RSF1: variants seen among roughly 807,000 people sequenced by gnomAD.
The protein encoded by RSF1 is HBV pX-associated protein 8.
A neutral mutation model predicts 145.2 loss-of-function variants in RSF1; 13 were observed. That is an observed-to-expected ratio of 0.09 (90% confidence interval 0.06 to 0.14). The LOEUF is 0.14. Among genes scored for constraint, RSF1 ranks in the 10% least tolerant of loss-of-function variants. The pLI is 1.00. For missense variants in RSF1, 1,517 were observed against 1,718.2 expected (o/e 0.88, Z 2.07); for synonymous variants, 577 against 592.6 (o/e 0.97, Z 0.38).
the RSF1 span, among the ~76,000 whole-genome samples, chr11:77,834,197 T>A: frequency 6.6e-6 from 1 of 152,260 alleles, no homozygotes; most frequent in Non-Finnish European, 1.5e-5. Flanking sequence ...GTAAATTACA[T>A]ATCAACAAAT....
At chr11:77,767,734 C>T (rs55881536) in intron 1 of RSF1, among the ~76,000 whole-genome samples, 26,916 of 152,130 alleles carry the variant, frequency 0.18, 2,971 homozygotes, top group African/African-American at 0.29. Flanking sequence ...GTCCCTGGAA[C>T]ACCCACTGTA....
At chr11:77,864,449 AAAAT>A in the RSF1 span, among the ~76,000 whole-genome samples, 1 of 152,074 alleles carries the variant, frequency 6.6e-6, no homozygotes, top group Non-Finnish European at 1.5e-5. Context: ...CAAAAAATAA[AAAAT>A]AAAAAAAAGA....
chr11:77,869,716 A>G, the RSF1 span: 5 of 1,613,414 alleles, frequency 3.1e-6, no homozygotes, highest in Non-Finnish European at 3.4e-6. Flanking sequence ...CTCTTTCCAC[A>G]TCCAGCATTC....
intron 1 of RSF1, among the ~76,000 whole-genome samples, chr11:77,771,258 T>G (rs1217126698): frequency 3.3e-5 from 5 of 152,218 alleles, no homozygotes; most frequent in African/African-American, 1.2e-4. Context: ...TTCACCTAGA[T>G]GCACCACTTG....
chr11:77,700,753 A>G lies in RSF1; in HGVS notation c.2476T>C (p.Ser826Pro). The part of the protein sequence containing the change: ...KTDKKEILKK[S>P]EKDTNSKVSK... The stretch of plus-strand genomic sequence containing the variant: ...ACTTTAGAATTTGTATCTTTCTCTG[A>G]TTTTTTCAAAATTTCCTTTTTGTCA... Residue 826 changes from serine to proline, a missense_variant, in exon 6 of 16, where the codon TCA (serine) becomes CCA (proline). This residue lies in a region of RSF1 where 579 missense variants were observed against 553.5 expected (regional missense o/e 1.05). Coordinates refer to ENST00000308488, the MANE Select transcript of RSF1 (RefSeq NM_016578.4). 6.3e-7 allele frequency: 1 copy of G among 1,587,322 alleles called. No individual in the cohort carries two copies.
chr11:77,872,060 C>T, the RSF1 span: 72 of 1,192,914 alleles, frequency 6.0e-5, no homozygotes, highest in South Asian at 1.9e-4. Flanking sequence ...ACTGAGTGAT[C>T]GTGAAGTGAC....
chr11:77,854,092 A>T, the RSF1 span, among the ~76,000 whole-genome samples: 399 of 148,340 alleles, frequency 2.7e-3, 8 homozygotes, highest in Admixed American at 0.023. Flanking sequence ...CCAGGTTCAC[A>T]CCATTCTCCT....
Position 77,814,566 on chromosome 11 carries a change from C to T in RSF1, c.187+5962G>A, listed in dbSNP as rs531644194. Among the ~76,000 whole-genome samples, 5 of 152,230 alleles carry T rather than the reference C, an allele frequency of 3.3e-5. No individual in the cohort carries two copies. In the South Asian group the frequency reaches 1.0e-3, roughly 32 times the overall value. On this transcript the variant is annotated intron_variant, in intron 1 of 15. Coordinates refer to ENST00000308488, the MANE Select transcript of RSF1 (RefSeq NM_016578.4). ...GTTCAAGCGATTCTCCTGCCTCGGT[C>T]TCCCGAGTAGCTGGGATTACAGGCG...
At chr11:77,820,098 G>GT (rs1948839650) in intron 1 of RSF1, among the ~76,000 whole-genome samples, 1 of 152,196 alleles carries the variant, frequency 6.6e-6, no homozygotes, top group Non-Finnish European at 1.5e-5. Flanking sequence ...GGGAAGACTG[G>GT]TGGGAGGAGG....
chr11:77,871,150 A>G, the RSF1 span, among the ~76,000 whole-genome samples: 1 of 152,232 alleles, frequency 6.6e-6, no homozygotes, highest in African/African-American at 2.4e-5. Flanking sequence ...CCCCATTACA[A>G]TAATTCCTAT....
intron 5 of RSF1, among the ~76,000 whole-genome samples, chr11:77,713,784 C>T (rs1453969713): frequency 1.3e-5 from 2 of 152,048 alleles, no homozygotes; most frequent in Non-Finnish European, 2.9e-5. Context: ...TTATCTTAAT[C>T]TTTTTAAAAT....
At chr11:77,737,208 G>A (rs1961375317) in intron 4 of RSF1, among the ~76,000 whole-genome samples, 1 of 152,164 alleles carries the variant, frequency 6.6e-6, no homozygotes, top group Admixed American at 6.5e-5. Context: ...AGCACTTTGG[G>A]AGGCCACAGC....
chr11:77,774,773 C>CTTT (rs113525529), intron 1 of RSF1, among the ~76,000 whole-genome samples: 2 of 141,870 alleles, frequency 1.4e-5, no homozygotes, highest in African/African-American at 5.2e-5. Flanking sequence ...TCTTTTTTTT[C>CTTT]TTTTTTTTTT....
intron 15 of RSF1, among the ~76,000 whole-genome samples, chr11:77,671,108 A>T (rs1275804762): frequency 5.6e-4 from 8 of 14,240 alleles, no homozygotes; most frequent in African/African-American, 3.2e-3. Context: ...TCTGTCACCA[A>T]AAAAAAAAAA....
At chr11:77,801,885 G>A (rs1278178772) in intron 1 of RSF1, among the ~76,000 whole-genome samples, 3 of 151,890 alleles carry the variant, frequency 2.0e-5, no homozygotes, top group Non-Finnish European at 2.9e-5. Context: ...CCCTAAACTG[G>A]CTGGGCATGG....
At chr11:77,812,319 T>A (rs1249643020) in intron 1 of RSF1, among the ~76,000 whole-genome samples, 1 of 151,946 alleles carries the variant, frequency 6.6e-6, no homozygotes, top group Non-Finnish European at 1.5e-5. Flanking sequence ...TGAAAAAATA[T>A]AAGAAAAACC....
rs1443645227 is a variant in RSF1, at chr11:77,661,079, G to T, written c.*5838C>A. The T allele has an allele frequency of 6.6e-6, 1 of 152,138 alleles. No homozygotes were observed. The highest frequency in any genetic ancestry group is 1.5e-5 in the Non-Finnish European group (1 of 68,000). The allele number at this position is 152,138 out of a possible 1,614,324, so 9.4% of individuals were successfully genotyped here. A position where few individuals can be genotyped will look rare whatever the true frequency, so the allele number is the denominator to read the frequency against. Reference sequence around the variant, plus strand: ...TGAATTTGACTTCTCTTGCTGCCACGCTTCAGCAGACAACTATTCCTGTGG... The same window carrying T: ...TGAATTTGACTTCTCTTGCTGCCACTCTTCAGCAGACAACTATTCCTGTGG... On this transcript the variant is annotated 3_prime_UTR_variant, in exon 16 of 16. Transcript: ENST00000308488.
intron 1 of RSF1, among the ~76,000 whole-genome samples, chr11:77,766,648 A>G (rs1948229256): frequency 6.6e-6 from 1 of 152,190 alleles, no homozygotes. Flanking sequence ...GCAAATAGCT[A>G]AAAAACCAAA....
chr11:77,855,210 A>T, the RSF1 span: 3 of 152,214 alleles, frequency 2.0e-5, no homozygotes, highest in East Asian at 5.8e-4. Flanking sequence ...AGGTCTCTGA[A>T]ATTCCTTCCA....
Sources: allele counts gnomAD v4.1 joint callset (sites outside exome capture counted in the v4.1 genomes callset), GRCh38; gene constraint gnomAD v4.1.1; regional missense constraint gnomAD v4.1.1; transcripts MANE v1.5; gene names NCBI Gene and HGNC (gene_info 2026-07-23, HGNC 2026-07-21).